Variants in SPOP observed in about 807,000 individuals in gnomAD.
SPOP encodes speckle type BTB/POZ protein.
Under a neutral mutation model 45.6 loss-of-function variants are expected in SPOP, and 11 were observed. That is an observed-to-expected ratio of 0.24 (90% CI 0.15 to 0.40). The LOEUF (loss-of-function observed/expected upper bound fraction) is 0.40, where lower values mean the gene tolerates loss of function less well. Ranked by LOEUF, SPOP falls within the 10% of genes least tolerant of loss-of-function variation. The probability of loss-of-function intolerance (pLI) is 1.00; values close to 1 mark genes in which losing one functional copy is unlikely to be tolerated. For synonymous variants in SPOP, 166 were observed against 166.3 expected (o/e 1.00, Z 0.01); for missense variants, 152 against 465.6 (o/e 0.33, Z 6.20).
chr17:49,638,357 G>A (rs915452248), intron 1 of SPOP, among the ~76,000 whole-genome samples: 9 of 152,188 alleles, frequency 5.9e-5, no homozygotes, highest in Non-Finnish European at 7.3e-5. Context: ...GTGGGAGGCC[G>A]AGGCAGGCGG....
intron 1 of SPOP, among the ~76,000 whole-genome samples, chr17:49,652,769 C>T (rs2072859343): frequency 6.6e-6 from 1 of 152,170 alleles, no homozygotes; most frequent in African/African-American, 2.4e-5. Context: ...ACTTTGGACT[C>T]TAGACCCAAA....
intron 1 of SPOP, among the ~76,000 whole-genome samples, chr17:49,645,322 C>CG (rs1158721456): frequency 6.0e-5 from 9 of 150,436 alleles, no homozygotes; most frequent in Admixed American, 6.0e-4. Context: ...TTTTTTGAGA[C>CG]GGGGTCTCCT....
At chr17:49,608,582 T>G (rs987243897) in intron 6 of SPOP, among the ~76,000 whole-genome samples, 9 of 152,222 alleles carry the variant, frequency 5.9e-5, no homozygotes, top group Admixed American at 3.3e-4. Context: ...AGGGAGAATT[T>G]AAATTTAGTT....
chr17:49,634,211 C>T (rs2072502979), intron 1 of SPOP, among the ~76,000 whole-genome samples: 4 of 152,126 alleles, frequency 2.6e-5, no homozygotes, highest in African/African-American at 7.2e-5. Flanking sequence ...AAGGCAAACG[C>T]AAGCAATCAA....
intron 6 of SPOP, among the ~76,000 whole-genome samples, chr17:49,609,966 C>G (rs1278082007): frequency 6.6e-6 from 1 of 151,954 alleles, no homozygotes; most frequent in Non-Finnish European, 1.5e-5. Context: ...GGAAGAACAC[C>G]TCCACTGAGA....
intron 8 of SPOP, among the ~76,000 whole-genome samples, chr17:49,605,998 A>T (rs978398472): frequency 4.6e-5 from 7 of 152,050 alleles, no homozygotes; most frequent in Non-Finnish European, 7.4e-5. Context: ...TCAAAAAAAA[A>T]AAAATAAACA....
At chr17:49,666,911 G>T (rs1162985622) in intron 1 of SPOP, among the ~76,000 whole-genome samples, 1 of 152,170 alleles carries the variant, frequency 6.6e-6, no homozygotes, top group Non-Finnish European at 1.5e-5. Context: ...GGGCGTGGTG[G>T]CTCACGCCTG....
At chr17:49,662,687 A>C (rs2073005357) in intron 1 of SPOP, among the ~76,000 whole-genome samples, 1 of 144,550 alleles carries the variant, frequency 6.9e-6, no homozygotes, top group Non-Finnish European at 1.5e-5. Flanking sequence ...ACTCCATCTC[A>C]AAAAAAAAAA....
intron 1 of SPOP, among the ~76,000 whole-genome samples, chr17:49,638,479 C>T (rs1012251425): frequency 5.3e-5 from 8 of 152,002 alleles, no homozygotes; most frequent in African/African-American, 1.9e-4. Flanking sequence ...GTCCCAGCTA[C>T]TGGGGAGGCT....
intron 1 of SPOP, among the ~76,000 whole-genome samples, chr17:49,645,840 T>C (rs192864924): frequency 3.3e-5 from 5 of 151,600 alleles, no homozygotes; most frequent in East Asian, 2.0e-4. Flanking sequence ...TTTTCCTCCT[T>C]CTTCCTTGAC....
chr17:49,603,584 C>T (rs1208700438), intron 8 of SPOP, among the ~76,000 whole-genome samples: 1 of 152,182 alleles, frequency 6.6e-6, no homozygotes, highest in Non-Finnish European at 1.5e-5. Flanking sequence ...TACACATGTC[C>T]CCAGGAGACT....
At chr17:49,668,265 T>C in intron 1 of SPOP, among the ~76,000 whole-genome samples, 1 of 152,272 alleles carries the variant, frequency 6.6e-6, no homozygotes, top group Non-Finnish European at 1.5e-5. Flanking sequence ...AGATTGTTTA[T>C]TATGTGTAAT....
At chr17:49,622,148 C>T (rs1443209193) in intron 2 of SPOP, 81 bp from the exon 3 acceptor site, 1 of 1,510,014 alleles carries the variant, frequency 6.6e-7, no homozygotes. Context: ...TTATCATTTC[C>T]CCTCCCTCCC....
At chr17:49,633,740 A>T (rs556123914) in intron 1 of SPOP, among the ~76,000 whole-genome samples, 34 of 152,306 alleles carry the variant, frequency 2.2e-4, no homozygotes, top group Admixed American at 1.2e-3. Flanking sequence ...ATGCCACTCA[A>T]ACACCTTGTA....
chr17:49,660,400 C>A (rs189902658), intron 1 of SPOP, among the ~76,000 whole-genome samples: 76 of 152,322 alleles, frequency 5.0e-4, no homozygotes, highest in African/African-American at 1.7e-3. Flanking sequence ...AATCACAACA[C>A]CTACTCCCAC....
chr17:49,663,241 T>A (rs565017871), intron 1 of SPOP, among the ~76,000 whole-genome samples: 1 of 152,186 alleles, frequency 6.6e-6, no homozygotes, highest in African/African-American at 2.4e-5. Flanking sequence ...TCAACCCTAC[T>A]GTGAAATGCA....
intron 3 of SPOP, among the ~76,000 whole-genome samples, chr17:49,620,306 T>C (rs2072194865): frequency 6.6e-6 from 1 of 151,754 alleles, no homozygotes; most frequent in African/African-American, 2.4e-5. Context: ...GGTGTAATCC[T>C]GTCTCTACTA....
chr17:49,619,165 C>A lies in SPOP; in HGVS notation c.353-57G>T, dbSNP rs2143266904. On this transcript the variant is annotated intron_variant, in intron 4 of 9. Coordinates refer to ENST00000504102, the MANE Select transcript of SPOP (RefSeq NM_001007228.2). This position sits in a 1 kb window ranked among gnomAD's most constrained non-coding sequence, Gnocchi z 4.9. ...GGTTACGCAAAAACCAGATCAAAGC[C>A]ACAACTTGTCAGTGTATGAAACTTC... The A allele has an allele frequency of 6.2e-7, 1 of 1,613,440 alleles. No homozygotes were observed. The highest frequency in any genetic ancestry group is 8.5e-7 in the Non-Finnish European group (1 of 1,179,790).
At chr17:49,620,183 G>C (rs1307617373) in intron 3 of SPOP, among the ~76,000 whole-genome samples, 2 of 140,530 alleles carry the variant, frequency 1.4e-5, no homozygotes, top group African/African-American at 5.3e-5. Context: ...AAAAGAAAAA[G>C]AAAAAAAAAA....
Sources: gnomAD v4.1 joint callset for allele counts (sites outside exome capture counted in the v4.1 genomes callset) on GRCh38, gnomAD v4.1.1 for gene constraint, Gnocchi (gnomAD v3.1) non-coding constraint, MANE v1.5 for transcripts, NCBI Gene and HGNC (gene_info 2026-07-23, HGNC 2026-07-21) for gene names.